The following EML6 variants were observed in gnomAD, a reference collection of about 807,000 sequenced individuals.
EML6 encodes the protein echinoderm microtubule-associated protein-like 6.
EML6 carries 154 observed loss-of-function variants against 240.1 expected under a neutral mutation model. The observed-to-expected ratio is 0.64, with a 90% CI of 0.56 to 0.73. The LOEUF (loss-of-function observed/expected upper bound fraction) is 0.73, where lower values mean the gene tolerates loss of function less well. Ranked by LOEUF, EML6 falls within the 30% of genes least tolerant of loss-of-function variation. The pLI, the probability that EML6 is intolerant of heterozygous loss-of-function variation, is 0.00. For synonymous variants in EML6, 1,148 were observed against 899.0 expected (o/e 1.28, Z -4.95); for missense variants, 2,964 against 2,474.6 (o/e 1.20, Z -4.20).
chr2:54,848,304 C>T (rs904052648), intron 9 of EML6, among the ~76,000 whole-genome samples: 1 of 152,140 alleles, frequency 6.6e-6, no homozygotes, highest in African/African-American at 2.4e-5. Flanking sequence ...AAAATAAATG[C>T]AGCTATAAAG....
At chr2:54,879,916 C>CAATTGCTGTATT in intron 17 of EML6, 1 of 328,184 alleles carries the variant, frequency 3.0e-6, no homozygotes, top group Non-Finnish European at 5.5e-6. Flanking sequence ...TGTATCAAAG[C>CAATTGCTGTATT]ACTTCAGCAA....
At chr2:54,740,218 G>A (rs934101868) in intron 2 of EML6, among the ~76,000 whole-genome samples, 1 of 152,162 alleles carries the variant, frequency 6.6e-6, no homozygotes, top group Admixed American at 6.5e-5. Flanking sequence ...GATACCCAGA[G>A]AAGGTAGGGA....
At chr2:54,921,905 C>T (rs950938695) in intron 26 of EML6, among the ~76,000 whole-genome samples, 1 of 152,112 alleles carries the variant, frequency 6.6e-6, no homozygotes, top group African/African-American at 2.4e-5. Context: ...CTTTATCTCA[C>T]ACCATTTAAA....
intron 28 of EML6, among the ~76,000 whole-genome samples, chr2:54,936,112 A>T (rs1675121633): frequency 1.3e-5 from 2 of 152,260 alleles, no homozygotes; most frequent in African/African-American, 4.8e-5. Flanking sequence ...AAAGCCAGAA[A>T]TTAGAAACTT....
chr2:54,768,009 G>A (rs1665851841), intron 2 of EML6, among the ~76,000 whole-genome samples: 1 of 152,168 alleles, frequency 6.6e-6, no homozygotes, highest in Admixed American at 6.5e-5. Flanking sequence ...AGGCTTTGTA[G>A]AGAGTGTGGA....
chr2:54,950,844 T>C (rs1159491109), intron 30 of EML6, 65 bp downstream of exon 30: 1 of 1,477,994 alleles, frequency 6.8e-7, no homozygotes, highest in East Asian at 2.5e-5. Flanking sequence ...TCCCCACTCT[T>C]TAGATGCCCA....
At chr2:54,749,244 A>G (rs903725717) in intron 2 of EML6, among the ~76,000 whole-genome samples, 4 of 152,350 alleles carry the variant, frequency 2.6e-5, no homozygotes, top group Middle Eastern at 3.4e-3. Context: ...GGTGAAAATA[A>G]TAAACAATGT....
intron 2 of EML6, among the ~76,000 whole-genome samples, chr2:54,799,699 T>G (rs1482689236): frequency 6.6e-6 from 1 of 152,138 alleles, no homozygotes; most frequent in Non-Finnish European, 1.5e-5. Context: ...ACAGAGACCA[T>G]ATGACCATCA....
chr2:54,845,280 C>T (rs942907147), intron 8 of EML6, among the ~76,000 whole-genome samples: 1 of 152,230 alleles, frequency 6.6e-6, no homozygotes, highest in Non-Finnish European at 1.5e-5. Context: ...GTTTATACTT[C>T]ACTTTACTCA....
At chr2:54,902,668 G>A (rs535766819) in intron 22 of EML6, among the ~76,000 whole-genome samples, 2 of 152,176 alleles carry the variant, frequency 1.3e-5, no homozygotes, top group South Asian at 2.1e-4. Context: ...CAAGGTGCTG[G>A]GATTACAGGC....
At chr2:54,836,418 C>A (rs140765493) in intron 7 of EML6, among the ~76,000 whole-genome samples, 1 of 152,302 alleles carries the variant, frequency 6.6e-6, no homozygotes, top group African/African-American at 2.4e-5. Flanking sequence ...TTGAAATGAG[C>A]AGAGATTTTG....
At chr2:54,848,620 A>T (rs540414875) in intron 9 of EML6, among the ~76,000 whole-genome samples, 184 of 152,196 alleles carry the variant, frequency 1.2e-3, no homozygotes, top group African/African-American at 4.2e-3. Flanking sequence ...GATAGCAGGT[A>T]TGAGCGACTG....
chr2:54,959,303 T>C, intron 34 of EML6, 42 bp downstream of exon 34: 3 of 1,479,606 alleles, frequency 2.0e-6, no homozygotes, highest in Non-Finnish European at 2.7e-6. Context: ...CGTTTGTTGT[T>C]ATCTTGGGAG....
In EML6 at chr2:54,954,088, C is replaced by T. The variant is rs1676117271; in HGVS notation, c.4418C>T (p.Thr1473Ile). ...GTGAATTACATCAACTTCAGTGCAA[C>T]TGGAAAGCTCCTGGTGTCGGTGGGA... ...KGVNYINFSATGKLLVSVGVD... is the reference protein window; with the variant it reads ...KGVNYINFSAIGKLLVSVGVD... The change falls in exon 32 of 42, where the codon ACT (threonine) becomes ATT (isoleucine). Residue 1473 changes from threonine to isoleucine, a missense_variant. Coordinates refer to ENST00000356458, the MANE Select transcript of EML6 (RefSeq NM_001039753.4). The T allele has an allele frequency of 1.9e-6, 3 of 1,551,770 alleles. No individual in the cohort carries two copies. The highest frequency in any genetic ancestry group is 2.6e-6 in the Non-Finnish European group (3 of 1,146,976).
At chr2:54,797,500 A>G (rs1669885320) in intron 2 of EML6, among the ~76,000 whole-genome samples, 1 of 152,188 alleles carries the variant, frequency 6.6e-6, no homozygotes, top group Non-Finnish European at 1.5e-5. Flanking sequence ...GTTTCAGACC[A>G]CTGCAATAAA....
rs754372140 is a variant in EML6, at chr2:54,860,760, G to A, written c.1825+1059G>A. On this transcript the variant is annotated intron_variant, in intron 12 of 41. Transcript: ENST00000356458. ...ATATGGACTTGTAGGCACTTGCAGC[G>A]GCTTCTTCTCTTAGGAGTGGTGACG... Among the ~76,000 whole-genome samples the A allele has an allele frequency of 3.3e-4, 50 of 152,080 alleles. 1 individual carries two copies. The highest frequency in any genetic ancestry group is 9.2e-4 in the Admixed American group (14 of 15,274).
chr2:54,896,674 T>G (rs1215256866), intron 21 of EML6, among the ~76,000 whole-genome samples: 1 of 152,110 alleles, frequency 6.6e-6, no homozygotes, highest in African/African-American at 2.4e-5. Context: ...TGCAGGAGCT[T>G]CCCCTCCTTG....
intron 26 of EML6, among the ~76,000 whole-genome samples, chr2:54,925,446 T>C (rs1434650943): frequency 6.6e-6 from 1 of 152,218 alleles, no homozygotes; most frequent in Non-Finnish European, 1.5e-5. Context: ...GTGATACCTG[T>C]GAGATCTTAT....
At position 54,904,038 on chromosome 2, in the gene EML6, A is replaced by G. The variant is rs551369600; in HGVS notation, c.3409+536A>G. Among the ~76,000 whole-genome samples, 30 of 152,312 alleles carry G rather than the reference A, an allele frequency of 2.0e-4. No homozygotes were observed. In the East Asian group the frequency reaches 2.1e-3, roughly 11 times the overall value. ...CCACAAATGCCATGAGGATTTGTCT[A>G]TTTAATAACTCTAGCTTTTATGGTG... On this transcript the variant is annotated intron_variant, in intron 24 of 41. Transcript: ENST00000356458.
Sources: gnomAD v4.1 joint callset for allele counts (sites outside exome capture counted in the v4.1 genomes callset) on GRCh38, gnomAD v4.1.1 for gene constraint, MANE v1.5 for transcripts, NCBI Gene and HGNC (gene_info 2026-07-23, HGNC 2026-07-21) for gene names.